The following CYB561D2 variants were observed in gnomAD, a reference collection of about 807,000 sequenced individuals.
CYB561D2 encodes transmembrane reductase CYB561D2.
A neutral mutation model predicts 20.2 loss-of-function variants in CYB561D2; 16 were observed. The ratio of observed to expected loss-of-function variants is 0.79; its 90% CI spans 0.53 to 1.20. The LOEUF (loss-of-function observed/expected upper bound fraction) is 1.20, where lower values mean the gene tolerates loss of function less well. CYB561D2 is among the 50% of genes most tolerant of loss of function. The pLI, the probability that CYB561D2 is intolerant of heterozygous loss-of-function variation, is 0.00. For synonymous variants in CYB561D2, 135 were observed against 128.3 expected, an observed-to-expected ratio of 1.05 and a Z score of -0.35; for missense variants, 247 against 270.3, an observed-to-expected ratio of 0.91 and a Z score of 0.60.
At chr3:50,351,865 C>A in intron 2 of CYB561D2, 144 bp from the exon 3 acceptor site, 1 of 981,762 alleles carries the variant, frequency 1.0e-6, no homozygotes, top group Non-Finnish European at 1.6e-6. Flanking sequence ...GGTGTGGGGT[C>A]AGCTTGTTGC....
rs200062155 is a variant in CYB561D2 at position 50,351,989 on chromosome 3, G to A, written c.128-20G>A. 4 of 1,613,886 alleles carry A rather than the reference G, an allele frequency of 2.5e-6. No homozygotes were observed. The highest frequency in any genetic ancestry group is 2.2e-5 in the East Asian group (1 of 44,880). ...TTTCTTCTTGCCTCAGCCCCATGAG[G>A]CCTCCTCTTCTCATTCCAGGCCTGT... On this transcript the variant is annotated intron_variant, in intron 2 of 3. Transcript: ENST00000425346.
In CYB561D2 at chr3:50,353,483, A is replaced by G. The variant is rs775131897; in HGVS notation, c.408A>G (p.Ser136=). Residue 136 remains serine, a synonymous_variant, in exon 4 of 4, where the codon TCA becomes TCG. Coordinates refer to ENST00000425346, the MANE Select transcript of CYB561D2 (RefSeq NM_001291284.2). ...LAVLWAGLQC[S]GGVGLLYPKL... ...TGCTGTGGGCAGGGCTGCAGTGCTCAGGTGGGGTGGGGCTGCTCTACCCCA... is the reference window on the plus strand; with the variant it reads ...TGCTGTGGGCAGGGCTGCAGTGCTCGGGTGGGGTGGGGCTGCTCTACCCCA... 3 of 1,612,998 alleles carry G rather than the reference A, an allele frequency of 1.9e-6. No individual in the cohort carries two copies. In the Admixed American group the frequency reaches 5.0e-5, roughly 27 times the overall value.
At position 50,353,233 on chromosome 3, in the gene CYB561D2, T is replaced by C. The variant is rs749853741; in HGVS notation, c.166-8T>C. The C allele has an allele frequency of 1.3e-6, 2 of 1,545,486 alleles. No individual in the cohort carries two copies. The highest frequency in any genetic ancestry group is 2.7e-5 in the African/African-American group (2 of 73,232). The stretch of plus-strand genomic sequence containing the variant: ...CTCACTTGAGCTTCCCATCCCCTGT[T>C]TCCTCAGTTCTCCTTCCTGATGACC... On this transcript the variant is annotated splice_region_variant and splice_polypyrimidine_tract_variant and intron_variant, in intron 3 of 3. Transcript: ENST00000425346.
chr3:50,351,943 C>G, intron 2 of CYB561D2, 66 bp from the exon 3 acceptor site: 3 of 1,596,946 alleles, frequency 1.9e-6, no homozygotes, highest in Non-Finnish European at 2.6e-6. Context: ...TTCCTCAACC[C>G]TTAAGGATTG....
intron 3 of CYB561D2, among the ~76,000 whole-genome samples, chr3:50,352,838 TTTTAC>T (rs1369524413): frequency 1.3e-5 from 2 of 152,194 alleles, no homozygotes; most frequent in African/African-American, 4.8e-5. Flanking sequence ...CTCTGTCCCT[TTTTAC>T]TTTAATTTCT....
intron 1 of CYB561D2, 61 bp from the exon 2 acceptor site, chr3:50,351,348 T>C (rs1165920802): frequency 4.6e-6 from 7 of 1,533,764 alleles, no homozygotes; most frequent in South Asian, 2.4e-5. Flanking sequence ...TGCAGCCTTT[T>C]CTCCAGTGAG....
Position 50,353,772 on chromosome 3 carries a change from A to G in CYB561D2, c.*28A>G. ...TCTTCCCAGCCTAGGGGAAGCCTGG[A>G]TTTGCCCCTCCATGTAGGAGCTGGG... On this transcript the variant is annotated 3_prime_UTR_variant, in exon 4 of 4. Coordinates refer to ENST00000425346, the MANE Select transcript of CYB561D2 (RefSeq NM_001291284.2). 5 of 1,560,730 alleles carry G rather than the reference A, an allele frequency of 3.2e-6. No individual in the cohort carries two copies. Among genetic ancestry groups the G allele is most frequent in the Non-Finnish European group, 4.3e-6 (5 of 1,150,128 alleles).
At chr3:50,351,774 G>A (rs1383144742) in intron 2 of CYB561D2, among the ~76,000 whole-genome samples, 1 of 152,210 alleles carries the variant, frequency 6.6e-6, no homozygotes, top group Non-Finnish European at 1.5e-5. Context: ...CTCTCAGGAG[G>A]TGTAAGGGAA....
At chr3:50,351,153 T>G (rs1703748879) in intron 1 of CYB561D2, 169 bp downstream of exon 1, 1 of 488,496 alleles carries the variant, frequency 2.0e-6, no homozygotes, top group African/African-American at 2.0e-5. Flanking sequence ...CGCTGGGATT[T>G]GTAGTCTTAC....
At position 50,353,504 on chromosome 3, in the gene CYB561D2, C is replaced by T; in HGVS notation, c.429C>T (p.Tyr143=). 6.2e-7 allele frequency: 1 copy of T among 1,613,510 alleles called. No individual in the cohort carries two copies. Among genetic ancestry groups the T allele is most frequent in the East Asian group, 2.2e-5 (1 of 44,890 alleles). Residue 143 remains tyrosine (Y), a synonymous_variant, in exon 4 of 4, where the codon TAC becomes TAT. Transcript: ENST00000425346. ...LQCSGGVGLL[Y]PKLLPRWPLA... is the part of the protein sequence containing the mutation. ...GCTCAGGTGGGGTGGGGCTGCTCTA[C>T]CCCAAGCTGCTGCCCCGATGGCCCC...
chr3:50,350,947 G>A lies in CYB561D2; in HGVS notation c.-63G>A. On this transcript the variant is annotated 5_prime_UTR_variant, in exon 1 of 4. Transcript: ENST00000425346. The surrounding 1 kb of genome is among the most constrained non-coding windows in gnomAD (Gnocchi z 5.7). ...CCGGAGTATCCCGCTTTCTTTGGAGGAAACCACCGCATCAGATCTGCGCTG... is the reference window on the plus strand; with the variant it reads ...CCGGAGTATCCCGCTTTCTTTGGAGAAAACCACCGCATCAGATCTGCGCTG... 7.4e-7 allele frequency: 1 copy of A among 1,342,934 alleles called. No homozygotes were observed. The highest frequency in any genetic ancestry group is 9.6e-7 in the Non-Finnish European group (1 of 1,041,082). 83.2% of individuals were successfully genotyped at this position (1,342,934 alleles called of 1,614,324 possible).
chr3:50,351,287 G>T, intron 1 of CYB561D2, 122 bp from the exon 2 acceptor site: 1 of 1,118,338 alleles, frequency 8.9e-7, no homozygotes, highest in East Asian at 2.6e-5. Flanking sequence ...GCTGGTCTTG[G>T]TACTGTTCTT....
Position 50,353,571 on chromosome 3 carries a change from G to A in CYB561D2, c.496G>A (p.Gly166Ser), listed in dbSNP as rs749307449. The change falls in exon 4 of 4, where the codon GGC becomes AGC. Residue 166 changes from glycine (G) to serine (S), a missense_variant. Gly to Ser is a moderately conservative substitution (Grantham distance 56). Coordinates refer to ENST00000425346, the MANE Select transcript of CYB561D2 (RefSeq NM_001291284.2). ...ATACCATGCTACTTCTGGGCTGGTG[G>A]GCTACCTGCTGGGTAGTGCCAGCCT... ...KLYHATSGLV[G>S]YLLGSASLLL... The A allele has an allele frequency of 3.1e-6, 5 of 1,613,784 alleles. No homozygotes were observed. Among genetic ancestry groups the A allele is most frequent in the South Asian group, 1.1e-5 (1 of 91,088 alleles).
chr3:50,351,389 C>T lies in CYB561D2; in HGVS notation c.-25-20C>T. 9 of 1,596,354 alleles carry T rather than the reference C, an allele frequency of 5.6e-6. No individual in the cohort carries two copies. Among genetic ancestry groups the T allele is most frequent in the Non-Finnish European group, 7.7e-6 (9 of 1,167,888 alleles). On this transcript the variant is annotated intron_variant, in intron 1 of 3. Transcript: ENST00000425346. ...AACAGTGGGCACCTGAGATCCTGGCCCACGCTACTATGCTTTCAGGCTACA... is the reference window on the plus strand; with the variant it reads ...AACAGTGGGCACCTGAGATCCTGGCTCACGCTACTATGCTTTCAGGCTACA...
chr3:50,351,623 C>T, intron 2 of CYB561D2, 63 bp downstream of exon 2: 2 of 1,571,016 alleles, frequency 1.3e-6, no homozygotes, highest in Non-Finnish European at 1.7e-6. Flanking sequence ...GGAGGAAGGG[C>T]AGTGGGACTT....
In CYB561D2 at chr3:50,353,113, G is replaced by A. The variant is rs1703809956; in HGVS notation, c.166-128G>A. ...CTTGCCCCACCAAATGGATAGTCTT[G>A]TCAGTGGGGAGAGAAAGAAAAAGGG... is the stretch of plus-strand genomic sequence containing the variant. On this transcript the variant is annotated intron_variant, in intron 3 of 3. Transcript: ENST00000425346. 5 of 1,348,164 alleles carry A rather than the reference G, an allele frequency of 3.7e-6. No homozygotes were observed. In the African/African-American group the frequency reaches 4.4e-5, roughly 12 times the overall value. The allele number at this position is 1,348,164 out of a possible 1,614,324, so 83.5% of individuals were successfully genotyped here.
In CYB561D2 at chr3:50,353,838, A is replaced by T; in HGVS notation, c.*94A>T. ...AACTCTCTCAGCTGAGTCAGGGGAC[A>T]CCTCAGGCACTGGGACAGTTGGGCA... On this transcript the variant is annotated 3_prime_UTR_variant, in exon 4 of 4. Transcript: ENST00000425346. 1 of 1,429,446 alleles carries T rather than the reference A, an allele frequency of 7.0e-7. No homozygotes were observed. The highest frequency in any genetic ancestry group is 9.4e-7 in the Non-Finnish European group (1 of 1,068,410). 88.5% of individuals were successfully genotyped at this position (1,429,446 alleles called of 1,614,324 possible).
rs758588042 is a variant in CYB561D2, at chr3:50,351,419, C to T, written c.-15C>T. ...CTACTATGCTTTCAGGCTACAACCA[C>T]TAGCACGGCTGACGATGGCCCTTTC... is the stretch of plus-strand genomic sequence containing the variant. On this transcript the variant is annotated 5_prime_UTR_variant, in exon 2 of 4. Transcript: ENST00000425346. 1.7e-5 allele frequency: 27 copies of T among 1,612,522 alleles called. No individual in the cohort carries two copies. The highest frequency in any genetic ancestry group is 2.0e-5 in the Non-Finnish European group (23 of 1,179,198).
At chr3:50,351,039 G>A (rs923780383) in intron 1 of CYB561D2, 55 bp downstream of exon 1, 2 of 583,542 alleles carry the variant, frequency 3.4e-6, no homozygotes, top group African/African-American at 1.9e-5. Flanking sequence ...GAGGCGGTGC[G>A]CTAAGGGATT....
Sources: allele counts gnomAD v4.1 joint callset (sites outside exome capture counted in the v4.1 genomes callset), GRCh38; gene constraint gnomAD v4.1.1; non-coding constraint Gnocchi (gnomAD v3.1); transcripts MANE v1.5; gene names NCBI Gene and HGNC (gene_info 2026-07-23, HGNC 2026-07-21).